Variants in DIP2C observed in about 807,000 individuals in gnomAD.
The protein encoded by DIP2C is disco-interacting protein 2 homolog C.
In DIP2C, 33 loss-of-function variants were observed where a neutral mutation model predicts 192.4. The observed-to-expected ratio is 0.17, with a 90% confidence interval of 0.13 to 0.23. The LOEUF is 0.23. Among genes scored for constraint, DIP2C ranks in the 10% least tolerant of loss-of-function variants. The pLI, the probability that DIP2C is intolerant of heterozygous loss-of-function variation, is 1.00. For missense variants in DIP2C, 1,537 were observed against 2,110.1 expected, an observed-to-expected ratio of 0.73 and a Z score of 5.32; for synonymous variants, 979 against 864.1, an observed-to-expected ratio of 1.13 and a Z score of -2.33.
intron 1 of DIP2C, among the ~76,000 whole-genome samples, chr10:677,332 T>C (rs945425055): frequency 2.6e-5 from 4 of 152,194 alleles, no homozygotes; most frequent in African/African-American, 9.7e-5. Flanking sequence ...AATTGAAGCC[T>C]TTATTTCTCT....
chr10:614,335 CAG>C (rs1334306619), intron 1 of DIP2C, among the ~76,000 whole-genome samples: 2 of 152,214 alleles, frequency 1.3e-5, no homozygotes, highest in African/African-American at 4.8e-5. Context: ...CCAAGGAGGC[CAG>C]AGTCACCCCA....
rs764285130 is a variant in DIP2C, at chr10:440,987, G to A, written c.278C>T (p.Thr93Met). The A allele has an allele frequency of 5.0e-6, 8 of 1,612,810 alleles. No homozygotes were observed. The highest frequency in any genetic ancestry group is 1.7e-5 in the Admixed American group (1 of 60,002). ...GGCCAGAGCCGCCTGGACAGCTTCC[G>A]TGTGGACGTCTGAAACGGAGAGAGC... ...RDERYRSDVH[T>M]EAVQAALAKH... The change falls in exon 4 of 37, where the codon ACG (threonine) becomes ATG (methionine). Residue 93 changes from threonine (T) to methionine (M), a missense_variant. Thr to Met is a moderately conservative substitution (Grantham distance 81, BLOSUM62 -1). Transcript: ENST00000280886.
intron 3 of DIP2C, among the ~76,000 whole-genome samples, chr10:464,680 G>A (rs1031467679): frequency 3.9e-5 from 6 of 152,126 alleles, no homozygotes; most frequent in Non-Finnish European, 5.9e-5. Flanking sequence ...ACATACAAAC[G>A]TATGTTTATT....
At chr10:418,431 G>T (rs1410692209) in intron 6 of DIP2C, among the ~76,000 whole-genome samples, 1 of 152,124 alleles carries the variant, frequency 6.6e-6, no homozygotes, top group Non-Finnish European at 1.5e-5. Context: ...CAAGGGCATT[G>T]TATTTCACCG....
At chr10:365,978 A>C (rs1960146371) in intron 19 of DIP2C, among the ~76,000 whole-genome samples, 1 of 152,254 alleles carries the variant, frequency 6.6e-6, no homozygotes. Flanking sequence ...CTTCACGCAC[A>C]CAAGTGCACG....
chr10:414,156 T>C, intron 7 of DIP2C, 46 bp from the exon 8 acceptor site: 1 of 1,553,174 alleles, frequency 6.4e-7, no homozygotes, highest in East Asian at 2.3e-5. Context: ...TGCATCCACA[T>C]TAGCATGGCT....
At chr10:395,109 G>A in intron 10 of DIP2C, among the ~76,000 whole-genome samples, 1 of 113,782 alleles carries the variant, frequency 8.8e-6, no homozygotes, top group Non-Finnish European at 1.9e-5. Context: ...GGGGGAGGGA[G>A]GAGTTGGGGG....
intron 1 of DIP2C, among the ~76,000 whole-genome samples, chr10:568,171 C>T (rs11253231): frequency 1.1e-3 from 162 of 152,286 alleles, no homozygotes; most frequent in African/African-American, 3.7e-3. Context: ...GGGAGGAGTG[C>T]GGCCCAGGGA....
chr10:506,973 G>A (rs932877373), intron 1 of DIP2C, among the ~76,000 whole-genome samples: 16 of 151,600 alleles, frequency 1.1e-4, no homozygotes, highest in African/African-American at 2.2e-4. Flanking sequence ...TGTGCAAGAC[G>A]AGAGGCGTGT....
rs146955092 is a variant in DIP2C at position 292,824 on chromosome 10, C to T, written c.3987-4403G>A. 1.8e-4 allele frequency among the ~76,000 whole-genome samples: 27 copies of T among 152,308 alleles called. No individual in the cohort carries two copies. The East Asian group carries it at 4.4e-3, about 25-fold the overall frequency. On this transcript the variant is annotated intron_variant, in intron 32 of 36. Transcript: ENST00000280886. ...AAGCTACAGAAGAGACTCTTTCTTC[C>T]TCCAACTGAGATTCTCACCCAGGGG...
intron 1 of DIP2C, among the ~76,000 whole-genome samples, chr10:582,534 G>A (rs1033971981): frequency 3.9e-5 from 6 of 152,194 alleles, no homozygotes; most frequent in Non-Finnish European, 7.3e-5. Flanking sequence ...AGTGAGCTGG[G>A]ATCACACCAC....
intron 1 of DIP2C, among the ~76,000 whole-genome samples, chr10:642,671 C>T (rs986017742): frequency 3.3e-5 from 5 of 152,266 alleles, no homozygotes; most frequent in Admixed American, 3.3e-4. Context: ...ACACCCCCGT[C>T]CCAGGCCATC....
intron 25 of DIP2C, among the ~76,000 whole-genome samples, chr10:349,010 C>T (rs1958657515): frequency 6.6e-6 from 1 of 152,204 alleles, no homozygotes. Context: ...TAAGGAATTA[C>T]CCACCTTTGT....
chr10:614,123 TTC>T (rs1458845986), intron 1 of DIP2C, among the ~76,000 whole-genome samples: 1 of 152,324 alleles, frequency 6.6e-6, no homozygotes, highest in East Asian at 1.9e-4. Context: ...CAACGCTGCA[TTC>T]TCTTTGCCAT....
intron 1 of DIP2C, among the ~76,000 whole-genome samples, chr10:681,816 C>T (rs1053461454): frequency 1.3e-5 from 2 of 152,266 alleles, no homozygotes; most frequent in African/African-American, 4.8e-5. Context: ...GCCCCAGGAA[C>T]GCCTTCCTCC....
chr10:428,941 T>C (rs1006575487), intron 4 of DIP2C, among the ~76,000 whole-genome samples: 1 of 152,108 alleles, frequency 6.6e-6, no homozygotes, highest in Non-Finnish European at 1.5e-5. Flanking sequence ...TATAGTGATG[T>C]CTCACTTATC....
At chr10:340,624 T>TA (rs1958096956) in intron 29 of DIP2C, 1 of 391,230 alleles carries the variant, frequency 2.6e-6, no homozygotes, top group Non-Finnish European at 5.1e-6. Flanking sequence ...CATGTATGTA[T>TA]AATCAGACAA....
chr10:552,439 C>T (rs1022382163), intron 1 of DIP2C, among the ~76,000 whole-genome samples: 3 of 152,066 alleles, frequency 2.0e-5, no homozygotes, highest in Non-Finnish European at 4.4e-5. Flanking sequence ...GAAATTTCTT[C>T]CTTATTATTC....
At chr10:525,349 C>T (rs957656549) in intron 1 of DIP2C, among the ~76,000 whole-genome samples, 2 of 152,210 alleles carry the variant, frequency 1.3e-5, no homozygotes, top group Admixed American at 6.5e-5. Context: ...TATGAACACA[C>T]ATGAAATCCC....
Sources: gnomAD v4.1 joint callset for allele counts (sites outside exome capture counted in the v4.1 genomes callset) on GRCh38, gnomAD v4.1.1 for gene constraint, MANE v1.5 for transcripts, NCBI Gene and HGNC (gene_info 2026-07-23, HGNC 2026-07-21) for gene names.